The following RAB44 variants were observed in gnomAD, a reference collection of about 807,000 sequenced individuals.
RAB44 encodes the protein ras-related protein Rab-44.
Under a neutral mutation model 93.3 loss-of-function variants are expected in RAB44, and 67 were observed. That is an observed-to-expected ratio of 0.72 (90% CI 0.59 to 0.88). RAB44 has a LOEUF of 0.88. Among genes scored for constraint, RAB44 ranks in the 40% least tolerant of loss-of-function variants. RAB44 has a pLI of 0.00. For synonymous variants in RAB44, 427 were observed against 520.3 expected (o/e 0.82, Z 2.44); for missense variants, 1,064 against 1,261.7 (o/e 0.84, Z 2.37).
chr6:36,721,493 G>A lies in RAB44; in HGVS notation c.1359G>A (p.Gln453=). ...KDNKGVDPHE[Q]DIRAEQPVEP... is the part of the protein sequence containing the mutation. ...ATAAAGGAGTGGACCCACATGAGCAGGACATTAGAGCAGAGCAGCCTGTTG... is the reference window on the plus strand; with the variant it reads ...ATAAAGGAGTGGACCCACATGAGCAAGACATTAGAGCAGAGCAGCCTGTTG... Residue 453 remains glutamine (Q), a synonymous_variant, in exon 9 of 14, where the codon CAG becomes CAA. Coordinates refer to ENST00000612677, the MANE Select transcript of RAB44 (RefSeq NM_001257357.2). 1 of 1,234,550 alleles carries A rather than the reference G, an allele frequency of 8.1e-7. No individual in the cohort carries two copies. The highest frequency in any genetic ancestry group is 1.0e-6 in the Non-Finnish European group (1 of 988,326). The allele number at this position is 1,234,550 out of a possible 1,614,324, so 76.5% of individuals were successfully genotyped here.
chr6:36,709,580 G>T (rs890810716), intron 2 of RAB44, among the ~76,000 whole-genome samples: 5 of 152,154 alleles, frequency 3.3e-5, no homozygotes, highest in Non-Finnish European at 7.4e-5. Context: ...TTTTGAGACA[G>T]GGTCTTGCTC....
chr6:36,714,003 G>A lies in RAB44; in HGVS notation c.319+64G>A, dbSNP rs905227595. On this transcript the variant is annotated intron_variant, in intron 3 of 13. Transcript: ENST00000612677. ...TTCCGTGCAGTGTGCCCTGCATGGG[G>A]CTAGGCTGGGTCGTTAGAAAGGCAA... 6.7e-6 allele frequency: 7 copies of A among 1,048,450 alleles called. No individual in the cohort carries two copies. The African/African-American group carries it at 7.9e-5, about 12-fold the overall frequency. 64.9% of individuals were successfully genotyped at this position (1,048,450 alleles called of 1,614,324 possible).
intron 1 of RAB44, among the ~76,000 whole-genome samples, chr6:36,703,740 G>A (rs115884053): frequency 0.01 from 1,561 of 152,138 alleles, 41 homozygotes; most frequent in African/African-American, 0.034. Flanking sequence ...AGGAGGTGTC[G>A]GTGGAGGGAT....
chr6:36,725,996 G>A (rs1763230135), intron 10 of RAB44, 53 bp downstream of exon 10: 4 of 1,381,904 alleles, frequency 2.9e-6, no homozygotes, highest in Middle Eastern at 1.8e-4. Flanking sequence ...GCGTAGGGGT[G>A]CAGAGGGACA....
intron 8 of RAB44, among the ~76,000 whole-genome samples, 160 bp downstream of exon 8, chr6:36,720,710 C>T (rs1763052926): frequency 6.6e-6 from 1 of 152,218 alleles, no homozygotes; most frequent in Non-Finnish European, 1.5e-5. Context: ...ACAACCATTT[C>T]TCAGATGAGG....
chr6:36,725,761 C>T (rs1284123993), intron 9 of RAB44, 101 bp from the exon 10 acceptor site: 2 of 780,414 alleles, frequency 2.6e-6, no homozygotes, highest in Non-Finnish European at 4.4e-6. Context: ...GGCTCCATCG[C>T]ACCGCAGCTG....
chr6:36,718,896 C>G (rs1027148743), intron 7 of RAB44, among the ~76,000 whole-genome samples: 2 of 149,382 alleles, frequency 1.3e-5, no homozygotes, highest in Non-Finnish European at 3.0e-5. Context: ...GTGTTTGGGT[C>G]TGAGACCCTG....
At chr6:36,704,503 C>G in intron 2 of RAB44, 61 bp downstream of exon 2, 1 of 1,466,562 alleles carries the variant, frequency 6.8e-7, no homozygotes, top group Non-Finnish European at 9.2e-7. Context: ...GACACCCCCT[C>G]TCCCCCATCA....
chr6:36,701,735 C>G (rs970648658), intron 1 of RAB44, among the ~76,000 whole-genome samples: 4 of 152,210 alleles, frequency 2.6e-5, no homozygotes, highest in East Asian at 3.9e-4. Flanking sequence ...TGTGAGGACC[C>G]CTAGGGGAGA....
At chr6:36,702,338 G>GAGAGAGAGA (rs1201118344) in intron 1 of RAB44, among the ~76,000 whole-genome samples, 75 of 58,490 alleles carry the variant, frequency 1.3e-3, no homozygotes, top group East Asian at 3.4e-3. Context: ...GAGAGAGAGA[G>GAGAGAGAGA]AATGTACTTC....
chr6:36,728,844 C>A, intron 12 of RAB44, 43 bp downstream of exon 12: 2 of 1,462,616 alleles, frequency 1.4e-6, no homozygotes, highest in Non-Finnish European at 1.9e-6. Flanking sequence ...GTGGACTGGG[C>A]AGACACCTCC....
chr6:36,710,294 T>C (rs537515538), intron 2 of RAB44, among the ~76,000 whole-genome samples: 3 of 152,344 alleles, frequency 2.0e-5, no homozygotes, highest in East Asian at 1.9e-4. Context: ...AATGGAATCA[T>C]ACAGTATTTG....
chr6:36,727,632 T>G lies in RAB44; in HGVS notation c.2737T>G (p.Tyr913Asp), dbSNP rs750819312. ...LRKADGVVLM[Y>D]DITSQESFAH... is the part of the protein sequence containing the mutation. The stretch of plus-strand genomic sequence containing the variant: ...CAAGGCTGACGGGGTGGTGCTCATG[T>G]ACGACATCACCTCCCAGGAGAGCTT... The change falls in exon 11 of 14, where the codon TAC becomes GAC. Residue 913 changes from tyrosine (Y) to aspartate (D), a missense_variant. Tyr to Asp is a radical substitution (Grantham distance 160). Transcript: ENST00000612677. 7.7e-6 allele frequency: 12 copies of G among 1,550,640 alleles called. No homozygotes were observed. The highest frequency in any genetic ancestry group is 1.0e-5 in the Non-Finnish European group (12 of 1,147,002).
chr6:36,709,398 C>T (rs1330591834), intron 2 of RAB44, among the ~76,000 whole-genome samples: 1 of 152,206 alleles, frequency 6.6e-6, no homozygotes, highest in African/African-American at 2.4e-5. Context: ...ATTCTATATC[C>T]ATTCAAGTTT....
intron 9 of RAB44, 102 bp from the exon 10 acceptor site, chr6:36,725,760 G>A (rs1032268584): frequency 2.9e-5 from 22 of 770,302 alleles, no homozygotes; most frequent in African/African-American, 6.9e-5. Context: ...GGGCTCCATC[G>A]CACCGCAGCT....
At chr6:36,702,340 A>AGAGAGAGAGAGAG (rs1762533811) in intron 1 of RAB44, among the ~76,000 whole-genome samples, 2 of 82,200 alleles carry the variant, frequency 2.4e-5, no homozygotes, top group African/African-American at 1.1e-4. Context: ...GAGAGAGAGA[A>AGAGAGAGAGAGAG]TGTACTTCTG....
chr6:36,731,859 G>A lies in RAB44; in HGVS notation c.2976-144G>A. 2.4e-6 allele frequency: 1 copy of A among 417,992 alleles called. No individual in the cohort carries two copies. The highest frequency in any genetic ancestry group is 4.1e-6 in the Non-Finnish European group (1 of 245,896). The allele number at this position is 417,992 out of a possible 1,614,324, so 25.9% of individuals were successfully genotyped here. A position where few individuals can be genotyped will look rare whatever the true frequency, so the allele number is the denominator to read the frequency against. ...AAAGTCTCAGTGACTCAATTCTTCGGGTCTCATGTGGAATGCAGGGCAGGG... is the reference window on the plus strand; with the variant it reads ...AAAGTCTCAGTGACTCAATTCTTCGAGTCTCATGTGGAATGCAGGGCAGGG... On this transcript the variant is annotated intron_variant, in intron 13 of 13. Coordinates refer to ENST00000612677, the MANE Select transcript of RAB44 (RefSeq NM_001257357.2). This position sits in a 1 kb window ranked among gnomAD's most constrained non-coding sequence, Gnocchi z 4.0.
chr6:36,719,902 C>T (rs1330610274), intron 7 of RAB44, among the ~76,000 whole-genome samples: 1 of 152,178 alleles, frequency 6.6e-6, no homozygotes, highest in African/African-American at 2.4e-5. Flanking sequence ...GGTGAGGAGG[C>T]TGCAGGAGAC....
At chr6:36,698,534 C>T (rs1762437684) in intron 1 of RAB44, among the ~76,000 whole-genome samples, 2 of 152,136 alleles carry the variant, frequency 1.3e-5, no homozygotes, top group South Asian at 4.1e-4. Flanking sequence ...GATTCATTTG[C>T]TCTCATGTTT....
Sources: allele counts gnomAD v4.1 joint callset (sites outside exome capture counted in the v4.1 genomes callset), GRCh38; gene constraint gnomAD v4.1.1; non-coding constraint Gnocchi (gnomAD v3.1); transcripts MANE v1.5; gene names NCBI Gene and HGNC (gene_info 2026-07-23, HGNC 2026-07-21).